The following PCDHA5 variants were observed in gnomAD, a reference collection of about 807,000 sequenced individuals.
PCDHA5 encodes protocadherin alpha 5, also known as protocadherin alpha-5.
Under a neutral mutation model 61.6 loss-of-function variants are expected in PCDHA5, and 43 were observed. The observed-to-expected ratio is 0.70, with a 90% CI of 0.55 to 0.90. The LOEUF (loss-of-function observed/expected upper bound fraction) is 0.90. Ranked by LOEUF, PCDHA5 falls within the 40% of genes least tolerant of loss-of-function variation. The pLI, the probability that PCDHA5 is intolerant of heterozygous loss-of-function variation, is 0.00. For synonymous variants in PCDHA5, 627 were observed against 543.9 expected (o/e 1.15, Z -2.13); for missense variants, 1,298 against 1,222.7 (o/e 1.06, Z -0.92).
At chr5:140,835,793 G>T in intron 1 of PCDHA5, 1 of 1,613,102 alleles carries the variant, frequency 6.2e-7, no homozygotes, top group Non-Finnish European at 8.5e-7. Flanking sequence ...ACAACCCGCC[G>T]GGCTGCCACA....
rs1032045343 is a variant in PCDHA5 at position 140,949,549 on chromosome 5, G to A, written c.2353-29400G>A. On this transcript the variant is annotated intron_variant, in intron 1 of 3. Transcript: ENST00000529859. Reference sequence around the variant, plus strand: ...CTTCATAAAATATCGATTTGTTGCTGGTCATACTTTTTTTCTTGTAGTAGC... The same window carrying A: ...CTTCATAAAATATCGATTTGTTGCTAGTCATACTTTTTTTCTTGTAGTAGC... Among the ~76,000 whole-genome samples the A allele has an allele frequency of 2.0e-5, 3 of 151,684 alleles. No homozygotes were observed. In the South Asian group the frequency reaches 6.2e-4, roughly 31 times the overall value.
At chr5:140,976,597 G>A (rs1477005420) in intron 1 of PCDHA5, among the ~76,000 whole-genome samples, 1 of 152,062 alleles carries the variant, frequency 6.6e-6, no homozygotes, top group South Asian at 2.1e-4. Flanking sequence ...TTTGTGTTAA[G>A]GGGACCTAAA....
intron 1 of PCDHA5, among the ~76,000 whole-genome samples, chr5:140,897,653 G>A (rs1446334429): frequency 1.3e-5 from 2 of 152,100 alleles, no homozygotes; most frequent in Non-Finnish European, 2.9e-5. Flanking sequence ...AAACATACGT[G>A]TGCATGTGTC....
At chr5:140,932,525 A>G (rs2088383031) in intron 1 of PCDHA5, among the ~76,000 whole-genome samples, 1 of 151,898 alleles carries the variant, frequency 6.6e-6, no homozygotes, top group Non-Finnish European at 1.5e-5. Flanking sequence ...TGTTTGTGGC[A>G]TTCAAGGTGC....
chr5:140,831,517 C>A (rs1771584524), intron 1 of PCDHA5, among the ~76,000 whole-genome samples: 3 of 130,048 alleles, frequency 2.3e-5, no homozygotes, highest in South Asian at 5.1e-4. Flanking sequence ...CCATGCCCCC[C>A]ACCTTTTTTT....
rs782212623 is a variant in PCDHA5 at position 140,927,250 on chromosome 5, A to G, written c.2353-51699A>G. On this transcript the variant is annotated intron_variant, in intron 1 of 3. Coordinates refer to ENST00000529859, the MANE Select transcript of PCDHA5 (RefSeq NM_018908.3). ...GATTCACGTCCTGGACACCAATGACAACTCACCTCTCTTTCCTGCCGGCGA... is the reference window on the plus strand; with the variant it reads ...GATTCACGTCCTGGACACCAATGACGACTCACCTCTCTTTCCTGCCGGCGA... 1.9e-6 allele frequency: 3 copies of G among 1,614,046 alleles called. 1 individual carries two copies. The highest frequency in any genetic ancestry group is 2.5e-6 in the Non-Finnish European group (3 of 1,180,004).
At position 140,848,191 on chromosome 5, in the gene PCDHA5, G is replaced by A. The variant is rs1210714904; in HGVS notation, c.2352+24064G>A. On this transcript the variant is annotated intron_variant, in intron 1 of 3. Transcript: ENST00000529859. ...TCCAGCAAGAGAAACGGGATCTTCTGTTTCAACAATCATTACTTAAGAAAA... is the reference window on the plus strand; with the variant it reads ...TCCAGCAAGAGAAACGGGATCTTCTATTTCAACAATCATTACTTAAGAAAA... 1.3e-5 allele frequency: 4 copies of A among 297,926 alleles called. No homozygotes were observed. The East Asian group carries it at 2.5e-4, about 18-fold the overall frequency. The allele number at this position is 297,926 out of a possible 1,614,324, so 18.5% of individuals were successfully genotyped here.
intron 1 of PCDHA5, chr5:140,850,585 A>G (rs1253890726): frequency 6.3e-7 from 1 of 1,598,426 alleles, no homozygotes. Flanking sequence ...GTGGATGTCA[A>G]CGTGTACCTG....
chr5:140,946,019 C>CA (rs1222084270), intron 1 of PCDHA5, among the ~76,000 whole-genome samples: 3 of 151,732 alleles, frequency 2.0e-5, no homozygotes, highest in Non-Finnish European at 4.4e-5. Flanking sequence ...TCCTGCGCAG[C>CA]AAAGAAAACA....
chr5:140,937,442 A>AAAATATCATTTTAAAATATCATTAT (rs2091531773), intron 1 of PCDHA5, among the ~76,000 whole-genome samples: 1 of 152,160 alleles, frequency 6.6e-6, no homozygotes, highest in Non-Finnish European at 1.5e-5. Context: ...ATGCTATTTT[A>AAAATATCATTTTAAAATATCATTAT]AAAGTTTAAT....
chr5:140,865,916 T>C (rs1446855400), intron 1 of PCDHA5: 1 of 152,190 alleles, frequency 6.6e-6, no homozygotes, highest in Non-Finnish European at 1.5e-5. Context: ...TTTCTTTCTG[T>C]TGTGCTTAGA....
chr5:140,955,220 A>T (rs1016918569), intron 1 of PCDHA5, among the ~76,000 whole-genome samples: 1 of 152,130 alleles, frequency 6.6e-6, no homozygotes, highest in Non-Finnish European at 1.5e-5. Flanking sequence ...TGATGCCTCC[A>T]GCTTTGTTCT....
At chr5:140,984,260 A>G (rs2097093759) in intron 3 of PCDHA5, among the ~76,000 whole-genome samples, 1 of 152,172 alleles carries the variant, frequency 6.6e-6, no homozygotes, top group South Asian at 2.1e-4. Context: ...GTAAGCCACA[A>G]ACTAACTTTG....
Position 140,853,860 on chromosome 5 carries a change from C to T in PCDHA5, c.2352+29733C>T, listed in dbSNP as rs2042890748. The T allele has an allele frequency of 9.1e-6, 9 of 984,410 alleles. No individual in the cohort carries two copies. In the South Asian group the frequency reaches 3.3e-4, roughly 36 times the overall value. The allele number at this position is 984,410 out of a possible 1,614,324, so 61.0% of individuals were successfully genotyped here. On this transcript the variant is annotated intron_variant, in intron 1 of 3. Coordinates refer to ENST00000529859, the MANE Select transcript of PCDHA5 (RefSeq NM_018908.3). ...TTTAGATCCATAGCCCTATTTGATA[C>T]TTGACAGTGCAAGTTTCTGTAATTT...
intron 1 of PCDHA5, chr5:140,969,487 T>C: frequency 6.8e-7 from 1 of 1,460,090 alleles, no homozygotes; most frequent in Non-Finnish European, 9.1e-7. Flanking sequence ...TAATCTGCTA[T>C]TTCCTCTCTA....
chr5:140,929,995 C>A (rs543771321), intron 1 of PCDHA5: 1 of 152,108 alleles, frequency 6.6e-6, no homozygotes, highest in Admixed American at 6.5e-5. Context: ...GGAATGACAC[C>A]CTAAAACATA....
At chr5:140,922,427 G>A (rs1407931624) in intron 1 of PCDHA5, among the ~76,000 whole-genome samples, 2 of 152,212 alleles carry the variant, frequency 1.3e-5, no homozygotes, top group Middle Eastern at 3.4e-3. Context: ...AGAGGCTGAG[G>A]GCAGAACTCT....
chr5:140,920,703 G>A (rs1435351032), intron 1 of PCDHA5, among the ~76,000 whole-genome samples: 1 of 152,060 alleles, frequency 6.6e-6, no homozygotes, highest in Non-Finnish European at 1.5e-5. Context: ...CATTAGCTTG[G>A]CATGGTGGTG....
chr5:140,868,950 C>T, intron 1 of PCDHA5: 2 of 1,308,056 alleles, frequency 1.5e-6, no homozygotes, highest in Admixed American at 5.4e-5. Flanking sequence ...AACAGTGAGG[C>T]ACTCCCATAC....
Sources: allele counts gnomAD v4.1 joint callset (sites outside exome capture counted in the v4.1 genomes callset), GRCh38; gene constraint gnomAD v4.1.1; transcripts MANE v1.5; gene names NCBI Gene and HGNC (gene_info 2026-07-23, HGNC 2026-07-21).